CYP7B1: variants seen among roughly 807,000 people sequenced by gnomAD.
CYP7B1 encodes cytochrome P450 7B1.
A neutral mutation model predicts 42.7 loss-of-function variants in CYP7B1; 29 were observed. The ratio of observed to expected loss-of-function variants is 0.68; its 90% CI spans 0.51 to 0.93. The LOEUF (loss-of-function observed/expected upper bound fraction) is 0.93. Ranked by LOEUF, CYP7B1 falls within the 40% of genes least tolerant of loss-of-function variation. The probability of loss-of-function intolerance (pLI) is 0.00; values close to 1 mark genes in which losing one functional copy is unlikely to be tolerated. For missense variants in CYP7B1, 655 were observed against 600.5 expected, an observed-to-expected ratio of 1.09 and a Z score of -0.95; for synonymous variants, 235 against 218.2, an observed-to-expected ratio of 1.08 and a Z score of -0.68.
intron 1 of CYP7B1, among the ~76,000 whole-genome samples, chr8:64,638,828 T>C (rs1805812276): frequency 6.6e-6 from 1 of 150,824 alleles, no homozygotes; most frequent in African/African-American, 2.4e-5. Flanking sequence ...TTTGTGTATG[T>C]GTGTGTGTGT....
chr8:64,597,237 G>A (rs1305053928), intron 5 of CYP7B1, among the ~76,000 whole-genome samples: 1 of 152,122 alleles, frequency 6.6e-6, no homozygotes, highest in African/African-American at 2.4e-5. Context: ...TCCCTAAGGT[G>A]GGTCCTGACA....
At chr8:64,604,582 C>A (rs1805247297) in intron 5 of CYP7B1, 100 bp downstream of exon 5, 1 of 1,388,464 alleles carries the variant, frequency 7.2e-7, no homozygotes, top group Non-Finnish European at 1.0e-6. Context: ...TGCCTCAAAC[C>A]CCTTCTGGAC....
chr8:64,674,796 C>T (rs1806419969), intron 1 of CYP7B1, among the ~76,000 whole-genome samples: 2 of 152,066 alleles, frequency 1.3e-5, no homozygotes, highest in African/African-American at 4.8e-5. Context: ...TGTTTTGGAT[C>T]ACAGAGAATG....
intron 1 of CYP7B1, among the ~76,000 whole-genome samples, chr8:64,643,146 C>CATATATAT (rs373876032): frequency 3.6e-5 from 1 of 28,032 alleles, no homozygotes; most frequent in Admixed American, 3.5e-4. Context: ...TACATATATA[C>CATATATAT]ATATATACAT....
chr8:64,762,557 T>C (rs1265685141), intron 1 of CYP7B1, among the ~76,000 whole-genome samples: 1 of 152,246 alleles, frequency 6.6e-6, no homozygotes, highest in Non-Finnish European at 1.5e-5. Flanking sequence ...GTTTTCATAA[T>C]GCATTTGAAA....
chr8:64,625,586 A>C (rs1322688966), intron 1 of CYP7B1, among the ~76,000 whole-genome samples: 1 of 152,188 alleles, frequency 6.6e-6, no homozygotes, highest in African/African-American at 2.4e-5. Flanking sequence ...CATCAATGAG[A>C]CCTAAACTTA....
In CYP7B1 at chr8:64,593,467, T is replaced by A. The variant is rs745609416; in HGVS notation, c.*3175A>T. Among the ~76,000 whole-genome samples the A allele has an allele frequency of 2.6e-5, 4 of 152,152 alleles. No homozygotes were observed. The highest frequency in any genetic ancestry group is 2.9e-5 in the Non-Finnish European group (2 of 68,024). On this transcript the variant is annotated 3_prime_UTR_variant, in exon 6 of 6. Transcript: ENST00000310193. ...AAATGTGTCCCCTGTCTATTCCTAA[T>A]AAAATGGTTGCATTCTACCTGATTT...
At chr8:64,773,733 T>C (rs533328572) in intron 1 of CYP7B1, among the ~76,000 whole-genome samples, 1 of 152,334 alleles carries the variant, frequency 6.6e-6, no homozygotes, top group East Asian at 1.9e-4. Context: ...TCTATCAGCA[T>C]GGCAATGGTA....
rs1214211952 is a variant in CYP7B1 at position 64,654,008 on chromosome 8, T to A, written c.123-29469A>T. Among the ~76,000 whole-genome samples the A allele has an allele frequency of 2.6e-5, 4 of 152,202 alleles. No homozygotes were observed. In the South Asian group the frequency reaches 8.3e-4, roughly 32 times the overall value. On this transcript the variant is annotated intron_variant, in intron 1 of 5. Coordinates refer to ENST00000310193, the MANE Select transcript of CYP7B1 (RefSeq NM_004820.5). ...CTAAAAACTCAATAAATAGATATTGTAGAAACACAACTCAAAATAATAAGA... is the reference window on the plus strand; with the variant it reads ...CTAAAAACTCAATAAATAGATATTGAAGAAACACAACTCAAAATAATAAGA...
At chr8:64,643,522 T>G (rs12677582) in intron 1 of CYP7B1, among the ~76,000 whole-genome samples, 2 of 151,966 alleles carry the variant, frequency 1.3e-5, no homozygotes, top group Non-Finnish European at 2.9e-5. Flanking sequence ...GCTGACTGAT[T>G]AGGGTGGTGA....
At chr8:64,724,905 A>C (rs1274181120) in intron 1 of CYP7B1, among the ~76,000 whole-genome samples, 1 of 152,198 alleles carries the variant, frequency 6.6e-6, no homozygotes. Context: ...ATATTACTCT[A>C]ACCTTCCCCT....
At chr8:64,692,285 A>G (rs1442956872) in intron 1 of CYP7B1, among the ~76,000 whole-genome samples, 10 of 152,212 alleles carry the variant, frequency 6.6e-5, no homozygotes, top group Admixed American at 4.6e-4. Flanking sequence ...CAAATTAACA[A>G]ATGGATATTA....
At chr8:64,727,337 A>G (rs959150646) in intron 1 of CYP7B1, among the ~76,000 whole-genome samples, 12 of 152,234 alleles carry the variant, frequency 7.9e-5, no homozygotes, top group African/African-American at 2.9e-4. Context: ...TCCAAATGAC[A>G]TAATTCCCTA....
At chr8:64,744,206 T>A (rs529951575) in intron 1 of CYP7B1, among the ~76,000 whole-genome samples, 1 of 152,338 alleles carries the variant, frequency 6.6e-6, no homozygotes, top group East Asian at 1.9e-4. Context: ...TGTCTGTTTA[T>A]TAATTTTCTG....
chr8:64,780,891 G>C (rs746693467), intron 1 of CYP7B1, among the ~76,000 whole-genome samples: 19 of 152,028 alleles, frequency 1.2e-4, no homozygotes, highest in Non-Finnish European at 2.5e-4. Flanking sequence ...CCATAAGTAG[G>C]TATGCACCGG....
intron 1 of CYP7B1, among the ~76,000 whole-genome samples, chr8:64,751,983 T>G (rs1429600964): frequency 1.3e-5 from 2 of 152,208 alleles, no homozygotes; most frequent in Non-Finnish European, 2.9e-5. Context: ...CCAGCCAACA[T>G]GTAAATTATC....
intron 1 of CYP7B1, among the ~76,000 whole-genome samples, chr8:64,650,602 C>G (rs1298058398): frequency 6.6e-6 from 1 of 152,106 alleles, no homozygotes; most frequent in Non-Finnish European, 1.5e-5. Flanking sequence ...GAGCCTAGAT[C>G]GTGCTGTTGC....
intron 1 of CYP7B1, among the ~76,000 whole-genome samples, chr8:64,705,290 C>T (rs542812613): frequency 1.3e-5 from 2 of 151,978 alleles, no homozygotes; most frequent in African/African-American, 2.4e-5. Flanking sequence ...TATTTATCTA[C>T]AGCCGTGATT....
intron 1 of CYP7B1, among the ~76,000 whole-genome samples, chr8:64,731,296 T>C (rs1807405050): frequency 6.6e-6 from 1 of 152,146 alleles, no homozygotes; most frequent in Non-Finnish European, 1.5e-5. Context: ...GTTTGGAACT[T>C]CCTGGTCTCA....
Sources: gnomAD v4.1 joint callset for allele counts (sites outside exome capture counted in the v4.1 genomes callset) on GRCh38, gnomAD v4.1.1 for gene constraint, MANE v1.5 for transcripts, NCBI Gene and HGNC (gene_info 2026-07-23, HGNC 2026-07-21) for gene names.